Variants in TTC17 observed in about 807,000 individuals in gnomAD.
TTC17 encodes tetratricopeptide repeat protein 17.
TTC17 carries 58 observed loss-of-function variants against 143.8 expected under a neutral mutation model. The ratio of observed to expected loss-of-function variants is 0.40; its 90% confidence interval spans 0.33 to 0.50. The LOEUF (loss-of-function observed/expected upper bound fraction) is 0.50. TTC17 is among the 20% of genes least tolerant of loss of function. TTC17 has a pLI of 0.49. For synonymous variants in TTC17, 501 were observed against 497.8 expected, an observed-to-expected ratio of 1.01 and a Z score of -0.09; for missense variants, 1,273 against 1,392.5, an observed-to-expected ratio of 0.91 and a Z score of 1.37.
chr11:43,395,725 C>T (rs771679564), intron 5 of TTC17, among the ~76,000 whole-genome samples: 7 of 152,128 alleles, frequency 4.6e-5, no homozygotes, highest in Admixed American at 1.3e-4. Flanking sequence ...TAAAAAGCTA[C>T]GTTTAACTAA....
intron 9 of TTC17, 28 bp from the exon 10 acceptor site, chr11:43,401,418 A>G (rs769798842): frequency 2.7e-6 from 4 of 1,504,662 alleles, no homozygotes; most frequent in Middle Eastern, 1.7e-4. Flanking sequence ...CTTGCTCATC[A>G]TTTGTGTAAT....
intron 1 of TTC17, among the ~76,000 whole-genome samples, chr11:43,361,962 C>G (rs1228728729): frequency 6.6e-6 from 1 of 151,702 alleles, no homozygotes; most frequent in Non-Finnish European, 1.5e-5. Context: ...TCTGAATTGT[C>G]CAACCATCAT....
intron 1 of TTC17, among the ~76,000 whole-genome samples, chr11:43,363,724 G>A (rs1856210383): frequency 6.6e-6 from 1 of 152,212 alleles, no homozygotes. Flanking sequence ...TGTAACTAAT[G>A]TGTGGCATTT....
chr11:43,453,770 C>T (rs1947710417), intron 21 of TTC17, among the ~76,000 whole-genome samples: 1 of 152,166 alleles, frequency 6.6e-6, no homozygotes, highest in Admixed American at 6.5e-5. Flanking sequence ...GGGTTACATC[C>T]TGATAAACCA....
chr11:43,418,035 A>G (rs996211278), intron 16 of TTC17, among the ~76,000 whole-genome samples: 2 of 152,228 alleles, frequency 1.3e-5, no homozygotes, highest in African/African-American at 4.8e-5. Context: ...ATGCCTATGC[A>G]GGTAATGTAT....
Position 43,396,712 on chromosome 11 carries a change from A to C in TTC17, c.667A>C (p.Thr223Pro), listed in dbSNP as rs747258477. ...ATTTTACTTTTTTAATCTCTAGAAC[A>C]CTTCCTCGTGGGTACTGTATAACAT... Reference protein sequence around the residue: ...HLIHEGLQKNTSSWVLYNMAS... With the variant: ...HLIHEGLQKNPSSWVLYNMAS... Residue 223 changes from threonine to proline, a missense_variant, in exon 6 of 24, where the codon ACT becomes CCT. Transcript: ENST00000039989. 1 of 1,558,356 alleles carries C rather than the reference A, an allele frequency of 6.4e-7. No homozygotes were observed. Among genetic ancestry groups the C allele is most frequent in the East Asian group, 2.3e-5 (1 of 44,050 alleles).
In TTC17 at chr11:43,404,060, G is replaced by A. The variant is rs952934012; in HGVS notation, c.1395G>A (p.Gln465=). The A allele has an allele frequency of 2.5e-6, 4 of 1,613,052 alleles. No individual in the cohort carries two copies. Among genetic ancestry groups the A allele is most frequent in the Middle Eastern group, 1.7e-4 (1 of 6,058 alleles). Reference sequence around the variant, plus strand: ...TGAACTTTGATGTTCAATCAAATCAGAGTGATATCAATGATTCGGTCAAGT... The same window carrying A: ...TGAACTTTGATGTTCAATCAAATCAAAGTGATATCAATGATTCGGTCAAGT... ...MSVNFDVQSN[Q]SDINDSVKSS... Residue 465 remains glutamine, a synonymous_variant, in exon 11 of 24, where the codon CAG becomes CAA. Transcript: ENST00000039989.
intron 16 of TTC17, among the ~76,000 whole-genome samples, chr11:43,432,902 A>T (rs1487029151): frequency 6.6e-6 from 1 of 152,224 alleles, no homozygotes; most frequent in East Asian, 1.9e-4. Flanking sequence ...TAATTTTTAA[A>T]ATTAGATAAT....
intron 16 of TTC17, among the ~76,000 whole-genome samples, chr11:43,438,188 C>T (rs940400923): frequency 6.6e-6 from 1 of 152,146 alleles, no homozygotes; most frequent in African/African-American, 2.4e-5. Flanking sequence ...TGAGGAGTCT[C>T]ACTCTGTCAC....
chr11:43,485,976 C>G (rs996373274), intron 21 of TTC17, among the ~76,000 whole-genome samples: 4 of 150,542 alleles, frequency 2.7e-5, no homozygotes, highest in African/African-American at 9.8e-5. Context: ...AGGAGACAAC[C>G]AGGAAGCAAT....
chr11:43,362,993 C>T (rs1033186397), intron 1 of TTC17, among the ~76,000 whole-genome samples: 8 of 152,162 alleles, frequency 5.3e-5, no homozygotes, highest in Admixed American at 5.2e-4. Context: ...TAGCTTTGGG[C>T]TTTGACATAC....
At chr11:43,382,019 C>T (rs1856988918) in intron 2 of TTC17, among the ~76,000 whole-genome samples, 1 of 152,202 alleles carries the variant, frequency 6.6e-6, no homozygotes, top group Middle Eastern at 3.4e-3. Flanking sequence ...AAGATGCAGG[C>T]TCAAGATAGA....
At chr11:43,443,712 C>A in intron 17 of TTC17, 128 bp downstream of exon 17, 1 of 1,226,882 alleles carries the variant, frequency 8.2e-7, no homozygotes, top group Non-Finnish European at 1.1e-6. Flanking sequence ...ACAGCCTTCA[C>A]ATTGGAATTT....
rs562594929 is a variant in TTC17 at position 43,462,921 on chromosome 11, C to CTTTTTTTTTTTTTTTTTTTTTTTTTTTTT, written c.3030+11668_3030+11669insTTTTTTTTTTTTTTTTTTTTTTTTTTTTT. 1.3e-3 allele frequency among the ~76,000 whole-genome samples: 148 copies of CTTTTTTTTTTTTTTTTTTTTTTTTTTTTT among 117,708 alleles called. 28 individuals are homozygous for CTTTTTTTTTTTTTTTTTTTTTTTTTTTTT. The highest frequency in any genetic ancestry group is 4.7e-3 in the African/African-American group (116 of 24,728). 77.2% of individuals were successfully genotyped at this position (117,708 alleles called of 152,430 possible). ...CACTGAATCCAGCAGTGACAAAATTCTTTTTTTTTTTTGAGACAGAGTCTC... is the reference window on the plus strand; with the variant it reads ...CACTGAATCCAGCAGTGACAAAATTCTTTTTTTTTTTTTTTTTTTTTTTTTTTTTTTTTTTTTTTTTGAGACAGAGTCTC... On this transcript the variant is annotated intron_variant, in intron 21 of 23. Transcript: ENST00000039989.
rs534958186 is a variant in TTC17 at position 43,424,591 on chromosome 11, G to A, written c.2251+9815G>A. ...TCAAGACCAGCCTGACCAACATGGC[G>A]AAACCCCATCTTTACTAAAAATACA... On this transcript the variant is annotated intron_variant, in intron 16 of 23. Transcript: ENST00000039989. 8.6e-5 allele frequency among the ~76,000 whole-genome samples: 13 copies of A among 151,684 alleles called. No individual in the cohort carries two copies. The South Asian group carries it at 1.5e-3, about 17-fold the overall frequency.
chr11:43,461,059 T>C (rs925532632), intron 21 of TTC17, among the ~76,000 whole-genome samples: 1 of 152,168 alleles, frequency 6.6e-6, no homozygotes, highest in Non-Finnish European at 1.5e-5. Context: ...GTTGCAACAA[T>C]GAGACTGTTA....
At chr11:43,399,057 A>G (rs568359754) in intron 8 of TTC17, among the ~76,000 whole-genome samples, 2 of 152,324 alleles carry the variant, frequency 1.3e-5, no homozygotes, top group Admixed American at 1.3e-4. Context: ...AAATGTAATC[A>G]GGCAGCTGAT....
At chr11:43,373,646 C>T (rs544466877) in intron 1 of TTC17, among the ~76,000 whole-genome samples, 1 of 152,134 alleles carries the variant, frequency 6.6e-6, no homozygotes, top group Non-Finnish European at 1.5e-5. Flanking sequence ...TTAACAACAG[C>T]TTTGGAAAAT....
At chr11:43,435,213 TAC>T in intron 16 of TTC17, 2 of 152,266 alleles carry the variant, frequency 1.3e-5, no homozygotes, top group Non-Finnish European at 2.9e-5. Context: ...AACAGCTACT[TAC>T]ACACTCTTAA....
Sources: allele counts gnomAD v4.1 joint callset (sites outside exome capture counted in the v4.1 genomes callset), GRCh38; gene constraint gnomAD v4.1.1; transcripts MANE v1.5; gene names NCBI Gene and HGNC (gene_info 2026-07-23, HGNC 2026-07-21).